SLC25A31: variants seen among roughly 807,000 people sequenced by gnomAD.
SLC25A31 encodes the protein ADP/ATP translocase 4.
In SLC25A31, 40 loss-of-function variants were observed where a neutral mutation model predicts 36.2. The ratio of observed to expected loss-of-function variants is 1.10; its 90% CI spans 0.86 to 1.44. The LOEUF (loss-of-function observed/expected upper bound fraction) is 1.44, where lower values mean the gene tolerates loss of function less well. Ranked by LOEUF, SLC25A31 falls within the 40% of genes most tolerant of loss-of-function variation. The probability of loss-of-function intolerance (pLI) is 0.00; values close to 1 mark genes in which losing one functional copy is unlikely to be tolerated. For missense variants in SLC25A31, 350 were observed against 397.1 expected, an observed-to-expected ratio of 0.88 and a Z score of 1.01; for synonymous variants, 143 against 149.7, an observed-to-expected ratio of 0.96 and a Z score of 0.32.
intron 2 of SLC25A31, 132 bp downstream of exon 2, chr4:127,744,931 G>A (rs1252679625): frequency 1.5e-6 from 1 of 651,366 alleles, no homozygotes; most frequent in Admixed American, 3.7e-5. Context: ...TGTCTTAACT[G>A]TGATGTTTTA....
chr4:127,733,182 C>G (rs879269943), intron 1 of SLC25A31, among the ~76,000 whole-genome samples: 1 of 152,166 alleles, frequency 6.6e-6, no homozygotes, highest in Admixed American at 6.5e-5. Flanking sequence ...GTACTTTCTT[C>G]TGTTCAGAAG....
intron 2 of SLC25A31, among the ~76,000 whole-genome samples, chr4:127,754,525 T>C (rs775258679): frequency 1.7e-4 from 19 of 114,002 alleles, no homozygotes; most frequent in Non-Finnish European, 3.2e-4. Context: ...AGAATAACAT[T>C]TACAATAGCT....
At chr4:127,758,048 G>A (rs983272016) in intron 2 of SLC25A31, among the ~76,000 whole-genome samples, 1 of 152,112 alleles carries the variant, frequency 6.6e-6, no homozygotes, top group Non-Finnish European at 1.5e-5. Flanking sequence ...GGAAGCAAAA[G>A]TGGAAACCCC....
intron 5 of SLC25A31, among the ~76,000 whole-genome samples, chr4:127,770,949 CTTTTTTTTTTTTT>C (rs558206857): frequency 2.5e-5 from 2 of 80,826 alleles, no homozygotes; most frequent in Admixed American, 2.8e-4. Context: ...TCTTCTTCTT[CTTTTTTTTTTTTT>C]TTTTTTTTTT....
intron 1 of SLC25A31, among the ~76,000 whole-genome samples, chr4:127,742,558 A>C (rs1731752095): frequency 6.6e-6 from 1 of 152,212 alleles, no homozygotes; most frequent in African/African-American, 2.4e-5. Context: ...AGCACCCAAA[A>C]CAGCCTTCTT....
chr4:127,744,105 G>T (rs926464752), intron 1 of SLC25A31, among the ~76,000 whole-genome samples: 1 of 152,184 alleles, frequency 6.6e-6, no homozygotes, highest in African/African-American at 2.4e-5. Flanking sequence ...TGGCGTCAAA[G>T]ATTTCTTCCC....
At chr4:127,742,129 CTAT>C (rs1426728519) in intron 1 of SLC25A31, among the ~76,000 whole-genome samples, 1 of 152,022 alleles carries the variant, frequency 6.6e-6, no homozygotes, top group African/African-American at 2.4e-5. Context: ...TGATATTTTT[CTAT>C]TATTTTTGTA....
At chr4:127,730,915 C>G in intron 1 of SLC25A31, 138 bp downstream of exon 1, 2 of 867,132 alleles carry the variant, frequency 2.3e-6, no homozygotes, top group Non-Finnish European at 3.5e-6. Context: ...TGCTTCTTAC[C>G]CTTCCAGAAT....
chr4:127,757,944 G>T (rs989996382), intron 2 of SLC25A31, among the ~76,000 whole-genome samples: 1 of 152,066 alleles, frequency 6.6e-6, no homozygotes, highest in Non-Finnish European at 1.5e-5. Context: ...AGGTTTAATT[G>T]GACTTACAGT....
chr4:127,764,149 G>T, intron 2 of SLC25A31, 94 bp from the exon 3 acceptor site: 1 of 1,004,318 alleles, frequency 1.0e-6, no homozygotes, highest in East Asian at 2.5e-5. Flanking sequence ...TATAAATCTG[G>T]TGTTTTAACA....
In SLC25A31 at chr4:127,766,246, C is replaced by T. The variant is rs371309834; in HGVS notation, c.479-820C>T. Among the ~76,000 whole-genome samples the T allele has an allele frequency of 5.9e-5, 9 of 151,760 alleles. No homozygotes were observed. The East Asian group carries it at 1.6e-3, about 26-fold the overall frequency. ...ACAGTGGCATGATCTCAGCTCACTG[C>T]AGCCTCCACCTCCCAGGTTCAAGCA... is the stretch of plus-strand genomic sequence containing the variant. On this transcript the variant is annotated intron_variant, in intron 3 of 5. Transcript: ENST00000281154.
chr4:127,766,394 CT>C (rs1191897246), intron 3 of SLC25A31, among the ~76,000 whole-genome samples: 1 of 152,066 alleles, frequency 6.6e-6, no homozygotes, highest in Admixed American at 6.6e-5. Context: ...TCTTGAACTC[CT>C]GACCTCGTGA....
At chr4:127,772,018 A>C (rs1380342551) in intron 5 of SLC25A31, among the ~76,000 whole-genome samples, 3 of 152,194 alleles carry the variant, frequency 2.0e-5, no homozygotes, top group Non-Finnish European at 4.4e-5. Flanking sequence ...ATGTTTAATG[A>C]CACTGGCTTG....
At chr4:127,751,234 A>G (rs567873502) in intron 2 of SLC25A31, among the ~76,000 whole-genome samples, 22 of 152,312 alleles carry the variant, frequency 1.4e-4, no homozygotes, top group African/African-American at 4.8e-4. Flanking sequence ...GATATAGACC[A>G]GTGGAACAGA....
chr4:127,754,642 T>G (rs1000927036), intron 2 of SLC25A31, among the ~76,000 whole-genome samples: 1 of 151,270 alleles, frequency 6.6e-6, no homozygotes, highest in South Asian at 2.1e-4. Flanking sequence ...AACTGAAATA[T>G]AAGACCTGAA....
intron 2 of SLC25A31, among the ~76,000 whole-genome samples, chr4:127,754,741 A>G (rs560045710): frequency 3.9e-5 from 6 of 152,270 alleles, no homozygotes; most frequent in East Asian, 1.9e-4. Flanking sequence ...AAATGCCCCT[A>G]CTATCCAAAA....
At chr4:127,745,180 A>G (rs1731801963) in intron 2 of SLC25A31, among the ~76,000 whole-genome samples, 1 of 152,202 alleles carries the variant, frequency 6.6e-6, no homozygotes, top group Admixed American at 6.5e-5. Flanking sequence ...ATCCTGAAGA[A>G]GTAAATTCTT....
chr4:127,766,993 A>G, intron 3 of SLC25A31, 73 bp from the exon 4 acceptor site: 1 of 1,289,944 alleles, frequency 7.8e-7, no homozygotes, highest in Non-Finnish European at 1.0e-6. Context: ...TTAGATCTGT[A>G]AAGGTTTATT....
intron 5 of SLC25A31, among the ~76,000 whole-genome samples, chr4:127,769,279 CA>C (rs1732305196): frequency 6.6e-6 from 1 of 152,142 alleles, no homozygotes; most frequent in Non-Finnish European, 1.5e-5. Context: ...ACTCCAAGGA[CA>C]AAAACTTGTT....
Sources: gnomAD v4.1 joint callset for allele counts (sites outside exome capture counted in the v4.1 genomes callset) on GRCh38, gnomAD v4.1.1 for gene constraint, MANE v1.5 for transcripts, NCBI Gene and HGNC (gene_info 2026-07-23, HGNC 2026-07-21) for gene names.